The following STARD8 variants were observed in gnomAD, a reference collection of about 807,000 sequenced individuals.
STARD8 encodes stAR-related lipid transfer protein 8.
In STARD8, 25 loss-of-function variants were observed where a neutral mutation model predicts 69.4. That is an observed-to-expected ratio of 0.36 (90% CI 0.26 to 0.50). STARD8 has a LOEUF of 0.50. Among genes scored for constraint, STARD8 ranks in the 20% least tolerant of loss-of-function variants. The pLI, the probability that STARD8 is intolerant of heterozygous loss-of-function variation, is 0.96. For missense variants in STARD8, 921 were observed against 932.5 expected (o/e 0.99, Z 0.16); for synonymous variants, 389 against 374.6 (o/e 1.04, Z -0.45).
At position 68,723,740 on chromosome X, in the gene STARD8, C is replaced by T. The variant is rs761500878; in HGVS notation, c.2914C>T (p.Leu972=). ...RERALWDEDL[L]RAQVLEALMP... ...GCGGGCCCTCTGGGATGAGGATCTG[C>T]TGCGGGCCCAGGTGCTGGAAGCCCT... The change falls in exon 13 of 15, where the codon CTG becomes TTG. Residue 972 remains leucine, a synonymous_variant. Transcript: ENST00000374599. The T allele has an allele frequency of 1.3e-5, 15 of 1,184,875 alleles. 1 individual carries two copies. Among genetic ancestry groups the T allele is most frequent in the Non-Finnish European group, 1.6e-5 (14 of 882,184 alleles).
chrX:68,665,775 G>A lies in STARD8; in HGVS notation c.79+243G>A, dbSNP rs2079679803. On this transcript the variant is annotated intron_variant, in intron 2 of 14. Transcript: ENST00000374599. ...AGGTTTTGCTCTTGTCAGAGAGCCAGGGGAGGACTTCCCTCCAGAGCTTTC... is the reference window on the plus strand; with the variant it reads ...AGGTTTTGCTCTTGTCAGAGAGCCAAGGGAGGACTTCCCTCCAGAGCTTTC... 4.5e-5 allele frequency among the ~76,000 whole-genome samples: 5 copies of A among 112,255 alleles called. No homozygotes were observed. In the South Asian group the frequency reaches 1.9e-3, roughly 42 times the overall value.
intron 1 of STARD8, among the ~76,000 whole-genome samples, chrX:68,652,004 C>T (rs896026966): frequency 2.0e-4 from 22 of 107,648 alleles, no homozygotes; most frequent in Admixed American, 9.9e-4. Context: ...CCCGCCACCA[C>T]GCCCAGCTAA....
At chrX:68,713,081 C>T (rs1332810213) in intron 3 of STARD8, 96 bp downstream of exon 3, 2 of 908,553 alleles carry the variant, frequency 2.2e-6, no homozygotes, top group Non-Finnish European at 3.1e-6. Context: ...TCCAACTACA[C>T]ACAAGCAGTG....
chrX:68,712,700 C>T (rs1439982234), intron 2 of STARD8, among the ~76,000 whole-genome samples: 1 of 111,752 alleles, frequency 8.9e-6, no homozygotes, highest in African/African-American at 3.3e-5. Flanking sequence ...GGCCAGGATG[C>T]CCAGACAGTA....
chrX:68,713,315 C>G lies in STARD8; in HGVS notation c.151+330C>G, dbSNP rs1387895909. On this transcript the variant is annotated intron_variant, in intron 3 of 14. Transcript: ENST00000374599. ...AGAATGCCGCCTGGAGTTGTACACCCTGGTGGCCCAGGCTTGGCCTCACTT... is the reference window on the plus strand; with the variant it reads ...AGAATGCCGCCTGGAGTTGTACACCGTGGTGGCCCAGGCTTGGCCTCACTT... Among the ~76,000 whole-genome samples, 5 of 112,708 alleles carry G rather than the reference C, an allele frequency of 4.4e-5. No homozygotes were observed. In the East Asian group the frequency reaches 1.4e-3, roughly 31 times the overall value.
At chrX:68,724,224 A>G in intron 14 of STARD8, 81 bp from the exon 15 acceptor site, 1 of 1,173,079 alleles carries the variant, frequency 8.5e-7, no homozygotes, top group Non-Finnish European at 1.2e-6. Flanking sequence ...GGGGCTGGGG[A>G]CAAGTCCTTT....
chrX:68,702,539 G>A (rs1326612128), intron 2 of STARD8, among the ~76,000 whole-genome samples: 1 of 112,115 alleles, frequency 8.9e-6, no homozygotes, highest in Non-Finnish European at 1.9e-5. Flanking sequence ...AAAAACCCTG[G>A]TAGATGATTT....
intron 12 of STARD8, 63 bp downstream of exon 12, chrX:68,722,709 T>A: frequency 9.0e-7 from 1 of 1,106,164 alleles, no homozygotes; most frequent in Non-Finnish European, 1.2e-6. Flanking sequence ...GCAAGGGTAG[T>A]CAGAGAACCC....
intron 2 of STARD8, chrX:68,693,889 C>G: frequency 2.9e-6 from 2 of 694,977 alleles, no homozygotes; most frequent in Non-Finnish European, 3.4e-6. Flanking sequence ...GGCTCCCTCT[C>G]CCCGCTTTGC....
intron 2 of STARD8, among the ~76,000 whole-genome samples, chrX:68,686,551 G>C (rs1455551131): frequency 8.9e-6 from 1 of 112,978 alleles, no homozygotes; most frequent in Non-Finnish European, 1.9e-5. Context: ...TGGGATCCAG[G>C]TGAACTGAGA....
At chrX:68,683,442 C>T (rs1335336194) in intron 2 of STARD8, among the ~76,000 whole-genome samples, 1 of 111,814 alleles carries the variant, frequency 8.9e-6, no homozygotes, top group Non-Finnish European at 1.9e-5. Flanking sequence ...ATGACAAACA[C>T]TCCATAAACC....
At chrX:68,686,500 C>G (rs1396118059) in intron 2 of STARD8, among the ~76,000 whole-genome samples, 1 of 112,570 alleles carries the variant, frequency 8.9e-6, no homozygotes, top group Non-Finnish European at 1.9e-5. Flanking sequence ...CGGACGTGGA[C>G]TCCGTGGGGT....
intron 2 of STARD8, among the ~76,000 whole-genome samples, chrX:68,679,712 G>A (rs1448410703): frequency 8.9e-6 from 1 of 112,171 alleles, no homozygotes; most frequent in African/African-American, 3.2e-5. Flanking sequence ...GCCTCTCATT[G>A]CACAGGGTTT....
intron 1 of STARD8, among the ~76,000 whole-genome samples, chrX:68,649,847 G>A (rs890512084): frequency 9.0e-6 from 1 of 111,142 alleles, no homozygotes; most frequent in African/African-American, 3.3e-5. Flanking sequence ...GGCAGGGATG[G>A]TGTGGAAGGG....
chrX:68,713,409 G>A (rs756926782), intron 3 of STARD8, among the ~76,000 whole-genome samples: 48 of 111,449 alleles, frequency 4.3e-4, no homozygotes, highest in African/African-American at 5.9e-4. Context: ...AGAGTTCTTC[G>A]CACTTGCTGT....
intron 2 of STARD8, among the ~76,000 whole-genome samples, chrX:68,667,248 G>A (rs1372412144): frequency 8.9e-6 from 1 of 112,268 alleles, no homozygotes; most frequent in East Asian, 2.8e-4. Flanking sequence ...GTAGCAGCAA[G>A]GCACTGGGAA....
intron 2 of STARD8, among the ~76,000 whole-genome samples, chrX:68,679,765 G>A (rs1236452612): frequency 2.7e-5 from 3 of 112,062 alleles, no homozygotes; most frequent in Non-Finnish European, 5.6e-5. Context: ...TCTCTCTTAG[G>A]TGTCTGTTCT....
chrX:68,702,306 T>A (rs1378531595), intron 2 of STARD8, among the ~76,000 whole-genome samples: 1 of 112,002 alleles, frequency 8.9e-6, no homozygotes, highest in Non-Finnish European at 1.9e-5. Flanking sequence ...GAGGCTGAAA[T>A]GGGAACAGGT....
chrX:68,670,776 G>A (rs1209185697), intron 2 of STARD8, among the ~76,000 whole-genome samples: 1 of 111,530 alleles, frequency 9.0e-6, no homozygotes, highest in Non-Finnish European at 1.9e-5. Flanking sequence ...TCTTTCTCCA[G>A]AATCCGCTTT....
Sources: allele counts gnomAD v4.1 joint callset (sites outside exome capture counted in the v4.1 genomes callset), GRCh38; gene constraint gnomAD v4.1.1; transcripts MANE v1.5; gene names NCBI Gene and HGNC (gene_info 2026-07-23, HGNC 2026-07-21).